The following EXOC6 variants were observed in gnomAD, a reference collection of about 807,000 sequenced individuals.
EXOC6 encodes the protein exocyst complex component 6.
A neutral mutation model predicts 112.5 loss-of-function variants in EXOC6; 60 were observed. That is an observed-to-expected ratio of 0.53 (90% CI 0.43 to 0.66). The LOEUF (loss-of-function observed/expected upper bound fraction) is 0.66, where lower values mean the gene tolerates loss of function less well. Among genes scored for constraint, EXOC6 ranks in the 30% least tolerant of loss-of-function variants. The pLI is 0.00. For missense variants in EXOC6, 855 were observed against 957.1 expected, an observed-to-expected ratio of 0.89 and a Z score of 1.41; for synonymous variants, 295 against 308.0, an observed-to-expected ratio of 0.96 and a Z score of 0.44.
At chr10:92,934,279 T>G in intron 10 of EXOC6, 31 bp from the exon 11 acceptor site, 1 of 1,558,790 alleles carries the variant, frequency 6.4e-7, no homozygotes, top group Non-Finnish European at 8.6e-7. Flanking sequence ...TTTTTTTTTT[T>G]AACACATGCT....
intron 6 of EXOC6, among the ~76,000 whole-genome samples, chr10:92,911,127 T>C (rs1217493596): frequency 1.3e-5 from 2 of 152,306 alleles, no homozygotes; most frequent in East Asian, 3.9e-4. Flanking sequence ...AATGAAACAA[T>C]GTCATAGAAA....
intron 1 of EXOC6, among the ~76,000 whole-genome samples, chr10:92,861,053 T>C (rs1156496284): frequency 6.6e-6 from 1 of 152,216 alleles, no homozygotes. Flanking sequence ...ACTTAGAATT[T>C]AGCTTATTAC....
At chr10:92,878,567 C>T (rs910916331) in intron 1 of EXOC6, among the ~76,000 whole-genome samples, 1 of 152,042 alleles carries the variant, frequency 6.6e-6, no homozygotes, top group Admixed American at 6.6e-5. Context: ...TGGTGGAGTG[C>T]GCCCCTGGAA....
intron 8 of EXOC6, among the ~76,000 whole-genome samples, chr10:92,925,902 A>T (rs1342101207): frequency 6.6e-6 from 1 of 152,096 alleles, no homozygotes; most frequent in Non-Finnish European, 1.5e-5. Flanking sequence ...GCCTTGAGCA[A>T]TCCTCTGATT....
At chr10:92,848,658 C>T (rs750466628) in intron 1 of EXOC6, 24 bp downstream of exon 1, 2 of 1,334,632 alleles carry the variant, frequency 1.5e-6, no homozygotes, top group South Asian at 3.0e-5. Context: ...CCCACCGGGA[C>T]TTCGGCCCCC....
intron 8 of EXOC6, 37 bp from the exon 9 acceptor site, chr10:92,928,302 A>T (rs753296752): frequency 8.8e-7 from 1 of 1,140,848 alleles, no homozygotes; most frequent in East Asian, 2.4e-5. Flanking sequence ...ATGTGTGTGT[A>T]TGTGTATTTT....
intron 20 of EXOC6, among the ~76,000 whole-genome samples, chr10:93,016,805 A>G (rs1844542064): frequency 1.3e-5 from 2 of 150,972 alleles, no homozygotes; most frequent in Admixed American, 1.3e-4. Context: ...GTCTTTTACC[A>G]TGGCTATTTT....
At chr10:92,876,681 A>G (rs991251286) in intron 1 of EXOC6, among the ~76,000 whole-genome samples, 1 of 152,188 alleles carries the variant, frequency 6.6e-6, no homozygotes, top group Non-Finnish European at 1.5e-5. Flanking sequence ...CAGATCTTGG[A>G]AAGAACTTAC....
chr10:92,900,690 C>T (rs1046989105), intron 5 of EXOC6: 1 of 148,854 alleles, frequency 6.7e-6, no homozygotes, highest in Non-Finnish European at 1.5e-5. Context: ...TATCACCTTT[C>T]CTATTTCCCA....
chr10:92,914,210 G>A (rs985208905), intron 6 of EXOC6, among the ~76,000 whole-genome samples: 3 of 152,242 alleles, frequency 2.0e-5, no homozygotes, highest in Middle Eastern at 3.4e-3. Context: ...CTGTGCATGC[G>A]GGGCATCTAG....
chr10:93,020,443 A>T (rs1844733386), intron 20 of EXOC6, among the ~76,000 whole-genome samples: 1 of 152,172 alleles, frequency 6.6e-6, no homozygotes, highest in African/African-American at 2.4e-5. Context: ...CTGCAACCTG[A>T]AGATGCTTCA....
intron 9 of EXOC6, among the ~76,000 whole-genome samples, chr10:92,930,241 G>A (rs566210601): frequency 2.6e-5 from 4 of 152,282 alleles, no homozygotes; most frequent in Non-Finnish European, 4.4e-5. Context: ...AGTGGCTCAC[G>A]CCTGTAATCC....
At position 92,893,382 on chromosome 10, in the gene EXOC6, G is replaced by T. The variant is rs1240298744; in HGVS notation, c.135G>T (p.Lys45Asn). The T allele has an allele frequency of 6.2e-7, 1 of 1,612,176 alleles. No homozygotes were observed. The highest frequency in any genetic ancestry group is 8.5e-7 in the Non-Finnish European group (1 of 1,179,038). ...ATGATGACCAACCAAATGCGCACAAGAAGTTTATGGAAAAGTTAGATGCTT... is the reference window on the plus strand; with the variant it reads ...ATGATGACCAACCAAATGCGCACAATAAGTTTATGGAAAAGTTAGATGCTT... ...SVYDDQPNAH[K>N]KFMEKLDACI... is the part of the protein sequence containing the mutation. Residue 45 changes from lysine (K) to asparagine (N), a missense_variant, in exon 2 of 22, where the codon AAG becomes AAT. This residue lies in a region of EXOC6 where 405 missense variants were observed against 393.6 expected (regional missense o/e 1.03). Coordinates refer to ENST00000260762, the MANE Select transcript of EXOC6 (RefSeq NM_019053.6).
At chr10:92,868,815 CTTT>C (rs370569114) in intron 1 of EXOC6, among the ~76,000 whole-genome samples, 10 of 135,898 alleles carry the variant, frequency 7.4e-5, no homozygotes, top group African/African-American at 8.0e-5. Context: ...CTCCCTCCCT[CTTT>C]TTTTTTTTTT....
Position 92,928,370 on chromosome 10 carries a change from G to A in EXOC6, c.920G>A (p.Arg307Gln), listed in dbSNP as rs1851837215. 2.5e-6 allele frequency: 4 copies of A among 1,608,896 alleles called. No homozygotes were observed. Among genetic ancestry groups the A allele is most frequent in the African/African-American group, 2.7e-5 (2 of 74,682 alleles). ...GDEETFENYY[R>Q]KQRKKQARLV... Reference sequence around the variant, plus strand: ...GAGGAAACATTTGAAAACTATTATCGAAAACAAAGAAAGAAACAAGCAAGA... The same window carrying A: ...GAGGAAACATTTGAAAACTATTATCAAAAACAAAGAAAGAAACAAGCAAGA... The change falls in exon 9 of 22, where the codon CGA becomes CAA. Residue 307 changes from arginine to glutamine, a missense_variant. Arg to Gln is a conservative substitution (Grantham distance 43). This residue lies in a region of EXOC6 where 405 missense variants were observed against 393.6 expected (regional missense o/e 1.03). Transcript: ENST00000260762.
chr10:92,938,926 A>T (rs1852504929), intron 12 of EXOC6, among the ~76,000 whole-genome samples: 1 of 152,154 alleles, frequency 6.6e-6, no homozygotes, highest in African/African-American at 2.4e-5. Context: ...GTTTTGAAGG[A>T]TGAGTTCAGC....
intron 20 of EXOC6, among the ~76,000 whole-genome samples, chr10:93,046,199 A>G (rs774034085): frequency 1.3e-5 from 2 of 152,240 alleles, no homozygotes; most frequent in Non-Finnish European, 2.9e-5. Context: ...AAAACAAGTC[A>G]CTAGCTTTGA....
chr10:93,044,526 A>G (rs1845919102), intron 20 of EXOC6, among the ~76,000 whole-genome samples: 1 of 152,090 alleles, frequency 6.6e-6, no homozygotes, highest in Non-Finnish European at 1.5e-5. Flanking sequence ...TGGTAATCCA[A>G]CTTTGCATCC....
At chr10:92,979,802 C>G (rs1424871961) in intron 18 of EXOC6, among the ~76,000 whole-genome samples, 2 of 148,784 alleles carry the variant, frequency 1.3e-5, no homozygotes, top group African/African-American at 5.0e-5. Flanking sequence ...GAGGCTAAGG[C>G]AGGAGGATTG....
Sources: gnomAD v4.1 joint callset for allele counts (sites outside exome capture counted in the v4.1 genomes callset) on GRCh38, gnomAD v4.1.1 for gene constraint, gnomAD v4.1.1 regional missense constraint, MANE v1.5 for transcripts, NCBI Gene and HGNC (gene_info 2026-07-23, HGNC 2026-07-21) for gene names.